Variants in SORCS2 observed in about 807,000 individuals in gnomAD.
The protein encoded by SORCS2 is VPS10 domain-containing receptor SorCS2.
Under a neutral mutation model 141.6 loss-of-function variants are expected in SORCS2, and 100 were observed. That is an observed-to-expected ratio of 0.71 (90% CI 0.60 to 0.83). The LOEUF is 0.83. SORCS2 is among the 40% of genes least tolerant of loss of function. The pLI is 0.00. For missense variants in SORCS2, 1,646 were observed against 1,560.2 expected (o/e 1.05, Z -0.93); for synonymous variants, 789 against 676.9 (o/e 1.17, Z -2.57).
At chr4:7,362,336 G>A (rs141279912) in intron 1 of SORCS2, among the ~76,000 whole-genome samples, 17 of 152,208 alleles carry the variant, frequency 1.1e-4, no homozygotes, top group Admixed American at 2.6e-4. Context: ...CTTCCACGCC[G>A]CATCCTACCT....
At chr4:7,507,320 G>C (rs909611250) in intron 2 of SORCS2, among the ~76,000 whole-genome samples, 1 of 152,058 alleles carries the variant, frequency 6.6e-6, no homozygotes, top group Non-Finnish European at 1.5e-5. Flanking sequence ...GATTACAGGC[G>C]CGTGCCACCA....
At chr4:7,251,111 A>G (rs1713482146) in intron 1 of SORCS2, among the ~76,000 whole-genome samples, 1 of 152,252 alleles carries the variant, frequency 6.6e-6, no homozygotes. Context: ...TTTGATTTGC[A>G]GGTGACTGAA....
At chr4:7,270,322 A>G (rs950214979) in intron 1 of SORCS2, among the ~76,000 whole-genome samples, 3 of 152,374 alleles carry the variant, frequency 2.0e-5, no homozygotes, top group African/African-American at 7.2e-5. Flanking sequence ...TCCAGAAATA[A>G]ACGTCAAGTG....
At chr4:7,199,922 A>G (rs10006036) in intron 1 of SORCS2, among the ~76,000 whole-genome samples, 144,689 of 152,092 alleles carry the variant, frequency 0.95, 68,927 homozygotes, top group East Asian at 1. Flanking sequence ...TGCCTGAGGG[A>G]CCGACACTCC....
chr4:7,554,790 G>A (rs1309601068), intron 3 of SORCS2, among the ~76,000 whole-genome samples: 2 of 152,102 alleles, frequency 1.3e-5, no homozygotes, highest in Non-Finnish European at 2.9e-5. Flanking sequence ...CCTCCAGAGA[G>A]GGCAATGCAC....
chr4:7,731,821 G>A (rs1037592914), intron 23 of SORCS2, among the ~76,000 whole-genome samples: 1 of 152,218 alleles, frequency 6.6e-6, no homozygotes, highest in African/African-American at 2.4e-5. Flanking sequence ...GTGGATTAAA[G>A]ACAAACGTAA....
chr4:7,325,950 C>T (rs1292444564), intron 1 of SORCS2, among the ~76,000 whole-genome samples: 1 of 152,046 alleles, frequency 6.6e-6, no homozygotes, highest in African/African-American at 2.4e-5. Flanking sequence ...AGAGTGGGAA[C>T]CTCAATGTCC....
At chr4:7,399,104 G>T (rs1724404376) in intron 2 of SORCS2, among the ~76,000 whole-genome samples, 1 of 152,154 alleles carries the variant, frequency 6.6e-6, no homozygotes, top group Admixed American at 6.5e-5. Flanking sequence ...ACAGTTTTCT[G>T]TTTTAATTAC....
chr4:7,216,032 C>T (rs1160890913), intron 1 of SORCS2, among the ~76,000 whole-genome samples: 2 of 152,186 alleles, frequency 1.3e-5, no homozygotes, highest in Non-Finnish European at 1.5e-5. Flanking sequence ...AATCTTGCTA[C>T]TGCTCACTCT....
At chr4:7,209,652 T>A (rs1359505129) in intron 1 of SORCS2, among the ~76,000 whole-genome samples, 1 of 152,086 alleles carries the variant, frequency 6.6e-6, no homozygotes, top group Non-Finnish European at 1.5e-5. Context: ...GGTGCTGATC[T>A]TTGAATTTTG....
At chr4:7,223,351 A>G (rs565484666) in intron 1 of SORCS2, among the ~76,000 whole-genome samples, 1 of 152,166 alleles carries the variant, frequency 6.6e-6, no homozygotes, top group Non-Finnish European at 1.5e-5. Context: ...TTCTTTGTGC[A>G]CCTAATGTTA....
Position 7,562,766 on chromosome 4 carries a change from G to C in SORCS2, c.648+31137G>C, listed in dbSNP as rs185647067. Among the ~76,000 whole-genome samples, 6 of 152,296 alleles carry C rather than the reference G, an allele frequency of 3.9e-5. No individual in the cohort carries two copies. The East Asian group carries it at 1.2e-3, about 29-fold the overall frequency. ...TCCTTCCTTGCCTCTTCCAGCCTCT[G>C]ATGGTTACTGGCAGTCCTTGGCTTC... is the stretch of plus-strand genomic sequence containing the variant. On this transcript the variant is annotated intron_variant, in intron 3 of 26. Transcript: ENST00000507866.
At position 7,294,125 on chromosome 4, in the gene SORCS2, C is replaced by T. The variant is rs531888927; in HGVS notation, c.480+100999C>T. Among the ~76,000 whole-genome samples, 29 of 152,284 alleles carry T rather than the reference C, an allele frequency of 1.9e-4. No homozygotes were observed. In the East Asian group the frequency reaches 4.2e-3, roughly 22 times the overall value. On this transcript the variant is annotated intron_variant, in intron 1 of 26. Transcript: ENST00000507866. ...GGAAGGAGTGGCTTCTGGTTAGTTACGTCTCATCAGCTGAGAGGTTCTGAG... is the reference window on the plus strand; with the variant it reads ...GGAAGGAGTGGCTTCTGGTTAGTTATGTCTCATCAGCTGAGAGGTTCTGAG...
intron 18 of SORCS2, among the ~76,000 whole-genome samples, chr4:7,721,286 G>A (rs1370988115): frequency 6.6e-6 from 1 of 152,106 alleles, no homozygotes; most frequent in African/African-American, 2.4e-5. Flanking sequence ...CCAACATGAC[G>A]AAACCCTGTC....
At chr4:7,216,845 C>G (rs1320961572) in intron 1 of SORCS2, among the ~76,000 whole-genome samples, 1 of 152,160 alleles carries the variant, frequency 6.6e-6, no homozygotes, top group Admixed American at 6.5e-5. Context: ...TCAGCCTGCC[C>G]TGCCCTCGAG....
intron 1 of SORCS2, among the ~76,000 whole-genome samples, chr4:7,305,818 C>T (rs146513508): frequency 3.0e-3 from 452 of 152,308 alleles, no homozygotes; most frequent in South Asian, 5.6e-3. Flanking sequence ...ACTCTGCTGC[C>T]CAGAGCACAG....
At chr4:7,568,705 A>C (rs183210977) in intron 3 of SORCS2, among the ~76,000 whole-genome samples, 1 of 152,332 alleles carries the variant, frequency 6.6e-6, no homozygotes, top group African/African-American at 2.4e-5. Context: ...AACTTAAAAT[A>C]TCCCACCAGG....
At chr4:7,304,806 A>C (rs985950223) in intron 1 of SORCS2, among the ~76,000 whole-genome samples, 2 of 152,206 alleles carry the variant, frequency 1.3e-5, no homozygotes, top group Non-Finnish European at 2.9e-5. Flanking sequence ...TGCAGAATCA[A>C]GCCCCATTCA....
At chr4:7,709,276 GC>G (rs1329401961) in intron 14 of SORCS2, among the ~76,000 whole-genome samples, 1 of 152,156 alleles carries the variant, frequency 6.6e-6, no homozygotes, top group African/African-American at 2.4e-5. Flanking sequence ...AGCTTACCTG[GC>G]CAAGAGATGG....
Sources: gnomAD v4.1 joint callset for allele counts (sites outside exome capture counted in the v4.1 genomes callset) on GRCh38, gnomAD v4.1.1 for gene constraint, MANE v1.5 for transcripts, NCBI Gene and HGNC (gene_info 2026-07-23, HGNC 2026-07-21) for gene names.